The following TMEM68 variants were observed in gnomAD, a reference collection of about 807,000 sequenced individuals.
The protein encoded by TMEM68 is DGAT1/2-independent enzyme synthesizing storage lipids.
In TMEM68, 25 loss-of-function variants were observed where a neutral mutation model predicts 36.9. The ratio of observed to expected loss-of-function variants is 0.68; its 90% CI spans 0.49 to 0.95. The LOEUF is 0.95. TMEM68 is among the 40% of genes least tolerant of loss of function. TMEM68 has a pLI of 0.00. For missense variants in TMEM68, 333 were observed against 392.0 expected, an observed-to-expected ratio of 0.85 and a Z score of 1.27; for synonymous variants, 131 against 124.4, an observed-to-expected ratio of 1.05 and a Z score of -0.35.
chr8:55,769,437 C>A (rs1478721497), intron 1 of TMEM68, among the ~76,000 whole-genome samples: 3 of 151,720 alleles, frequency 2.0e-5, no homozygotes, highest in Non-Finnish European at 4.4e-5. Flanking sequence ...TGTTAGAGCT[C>A]TGTCCTTGAC....
In TMEM68 at chr8:55,743,650, C is replaced by T. The variant is rs531286615; in HGVS notation, c.749-30G>A. On this transcript the variant is annotated intron_variant, in intron 6 of 7. Coordinates refer to ENST00000434581, the MANE Select transcript of TMEM68 (RefSeq NM_001286657.2). Reference sequence around the variant, plus strand: ...TTTAGAGTAAATACAATCATTTTAACTTGTTAAGTATTCTGACCATGTAAC... The same window carrying T: ...TTTAGAGTAAATACAATCATTTTAATTTGTTAAGTATTCTGACCATGTAAC... 2.8e-5 allele frequency: 43 copies of T among 1,520,954 alleles called. No individual in the cohort carries two copies. The South Asian group carries it at 4.6e-4, about 16-fold the overall frequency. 94.2% of individuals were successfully genotyped at this position (1,520,954 alleles called of 1,614,324 possible). A position where few individuals can be genotyped will look rare whatever the true frequency, so the allele number is the denominator to read the frequency against.
chr8:55,755,906 T>C (rs1810590775), intron 4 of TMEM68, among the ~76,000 whole-genome samples: 1 of 151,730 alleles, frequency 6.6e-6, no homozygotes, highest in African/African-American at 2.4e-5. Context: ...CTTTAATATA[T>C]AAAAATATAT....
intron 1 of TMEM68, among the ~76,000 whole-genome samples, chr8:55,769,433 A>T (rs1400978526): frequency 6.6e-6 from 1 of 151,708 alleles, no homozygotes; most frequent in Non-Finnish European, 1.5e-5. Flanking sequence ...TAATTGTTAG[A>T]GCTCTGTCCT....
chr8:55,767,749 C>G lies in TMEM68; in HGVS notation c.-114-3769G>C, dbSNP rs190661246. 1.6e-3 allele frequency among the ~76,000 whole-genome samples: 236 copies of G among 152,134 alleles called. 1 individual carries two copies. The highest frequency in any genetic ancestry group is 5.2e-3 in the African/African-American group (217 of 41,494). On this transcript the variant is annotated intron_variant, in intron 1 of 7. Coordinates refer to ENST00000434581, the MANE Select transcript of TMEM68 (RefSeq NM_001286657.2). ...GGTTAGGAGTTCGAGACCAGCCTGACCAACATGGAGAAACCCCGTCTCTAC... is the reference window on the plus strand; with the variant it reads ...GGTTAGGAGTTCGAGACCAGCCTGAGCAACATGGAGAAACCCCGTCTCTAC...
At position 55,739,989 on chromosome 8, in the gene TMEM68, A is replaced by G. The variant is rs1810048923; in HGVS notation, c.*143T>C. On this transcript the variant is annotated 3_prime_UTR_variant, in exon 8 of 8. Coordinates refer to ENST00000434581, the MANE Select transcript of TMEM68 (RefSeq NM_001286657.2). ...AAAACAAAATTGACTATTTTAAAGAAACGAATTCTGTGAAAGATGCTTATT... is the reference window on the plus strand; with the variant it reads ...AAAACAAAATTGACTATTTTAAAGAGACGAATTCTGTGAAAGATGCTTATT... 1.6e-6 allele frequency: 1 copy of G among 614,572 alleles called. No homozygotes were observed. Among genetic ancestry groups the G allele is most frequent in the African/African-American group, 1.9e-5 (1 of 52,996 alleles). 38.1% of individuals were successfully genotyped at this position (614,572 alleles called of 1,614,324 possible).
At chr8:55,749,158 C>A (rs1810364844) in intron 5 of TMEM68, among the ~76,000 whole-genome samples, 1 of 152,180 alleles carries the variant, frequency 6.6e-6, no homozygotes, top group African/African-American at 2.4e-5. Context: ...ATCTCCTCAA[C>A]TTATGTAGAC....
At chr8:55,750,147 T>C (rs1004116421) in intron 5 of TMEM68, among the ~76,000 whole-genome samples, 4 of 152,226 alleles carry the variant, frequency 2.6e-5, no homozygotes, top group East Asian at 3.8e-4. Flanking sequence ...TATCATTGTT[T>C]TCATATACAT....
At chr8:55,742,673 G>A (rs557155753) in intron 7 of TMEM68, among the ~76,000 whole-genome samples, 25 of 152,094 alleles carry the variant, frequency 1.6e-4, no homozygotes, top group East Asian at 5.8e-4. Context: ...CCAAGGTGCC[G>A]GGATTACAAG....
At chr8:55,745,709 G>C (rs1170071927) in intron 5 of TMEM68, 3 of 152,220 alleles carry the variant, frequency 2.0e-5, no homozygotes, top group Non-Finnish European at 4.4e-5. Flanking sequence ...TTTTCGGGGG[G>C]AGTTGGGGAC....
At chr8:55,740,700 T>C (rs1810074754) in intron 7 of TMEM68, among the ~76,000 whole-genome samples, 1 of 152,024 alleles carries the variant, frequency 6.6e-6, no homozygotes, top group Non-Finnish European at 1.5e-5. Flanking sequence ...ATTAGTAAAT[T>C]CTAATGTATA....
chr8:55,740,756 A>G (rs541085733), intron 7 of TMEM68, among the ~76,000 whole-genome samples: 10 of 151,536 alleles, frequency 6.6e-5, no homozygotes, highest in African/African-American at 2.4e-4. Context: ...TCAGGGTCTC[A>G]CTGTGTTGCT....
Position 55,749,878 on chromosome 8 carries a change from T to C in TMEM68, c.687+1086A>G, listed in dbSNP as rs193270085. 3.6e-3 allele frequency among the ~76,000 whole-genome samples: 554 copies of C among 152,336 alleles called. 2 individuals are homozygous for C. Among genetic ancestry groups the C allele is most frequent in the Non-Finnish European group, 6.6e-3 (450 of 68,030 alleles). ...ATATAAAAATCTCAATTAAATTATC[T>C]AGTTTATTTAAATTAATTATCTGGA... On this transcript the variant is annotated intron_variant, in intron 5 of 7. Transcript: ENST00000434581.
At chr8:55,761,891 T>C (rs990463976) in intron 3 of TMEM68, 12 of 152,308 alleles carry the variant, frequency 7.9e-5, no homozygotes, top group African/African-American at 2.6e-4. Flanking sequence ...AAAGCCAATG[T>C]TTGTTACCTG....
chr8:55,755,391 C>T (rs940459255), intron 4 of TMEM68, among the ~76,000 whole-genome samples: 11 of 151,686 alleles, frequency 7.3e-5, no homozygotes, highest in Admixed American at 6.6e-4. Flanking sequence ...CTCAGCTTCC[C>T]GAGTAGCTGA....
At chr8:55,755,821 A>G (rs1003397045) in intron 4 of TMEM68, among the ~76,000 whole-genome samples, 5 of 152,072 alleles carry the variant, frequency 3.3e-5, no homozygotes, top group African/African-American at 1.2e-4. Flanking sequence ...TTATAAAGGA[A>G]AAAGTTACTA....
chr8:55,754,294 G>A (rs1450506856), intron 4 of TMEM68, among the ~76,000 whole-genome samples: 1 of 150,336 alleles, frequency 6.7e-6, no homozygotes, highest in Non-Finnish European at 1.5e-5. Flanking sequence ...GTGTGGTGGC[G>A]GGCATCTGCA....
intron 1 of TMEM68, among the ~76,000 whole-genome samples, chr8:55,771,308 G>A (rs1238802296): frequency 6.6e-6 from 1 of 152,104 alleles, no homozygotes; most frequent in Non-Finnish European, 1.5e-5. Flanking sequence ...TTAAGAAAGT[G>A]TATCTATTTT....
intron 4 of TMEM68, among the ~76,000 whole-genome samples, chr8:55,754,558 C>G (rs1486099521): frequency 7.5e-6 from 1 of 132,576 alleles, no homozygotes; most frequent in African/African-American, 2.8e-5. Context: ...ATAATACATA[C>G]ATATTATATA....
At position 55,739,075 on chromosome 8, in the gene TMEM68, A is replaced by G. The variant is rs7017876; in HGVS notation, c.*1057T>C. 105,941 of 152,482 alleles carry G rather than the reference A, an allele frequency of 0.69. 36,922 individuals are homozygous for G. The highest frequency in any genetic ancestry group is 0.74 in the African/African-American group (30,576 of 41,486). The allele number at this position is 152,482 out of a possible 1,614,324, so 9.4% of individuals were successfully genotyped here. A position where few individuals can be genotyped will look rare whatever the true frequency, so the allele number is the denominator to read the frequency against. On this transcript the variant is annotated 3_prime_UTR_variant, in exon 8 of 8. Coordinates refer to ENST00000434581, the MANE Select transcript of TMEM68 (RefSeq NM_001286657.2). ...GTGGATCACCTGAGGTCAGGAGTTC[A>G]AGACCAGCCTGGCCAACATGGCAAA... is the stretch of plus-strand genomic sequence containing the variant.
Sources: gnomAD v4.1 joint callset for allele counts (sites outside exome capture counted in the v4.1 genomes callset) on GRCh38, gnomAD v4.1.1 for gene constraint, MANE v1.5 for transcripts, NCBI Gene and HGNC (gene_info 2026-07-23, HGNC 2026-07-21) for gene names.